Variants in YPEL2 observed in about 807,000 individuals in gnomAD.
YPEL2 encodes yippee like 2.
YPEL2 carries 2 observed loss-of-function variants against 19.1 expected under a neutral mutation model. That is an observed-to-expected ratio of 0.10 (90% CI 0.04 to 0.33). The LOEUF (loss-of-function observed/expected upper bound fraction) is 0.33. YPEL2 is among the 10% of genes least tolerant of loss of function. YPEL2 has a pLI of 1.00. For missense variants in YPEL2, 66 were observed against 140.7 expected, an observed-to-expected ratio of 0.47 and a Z score of 2.68; for synonymous variants, 52 against 50.0, an observed-to-expected ratio of 1.04 and a Z score of -0.17.
chr17:59,386,051 G>A (rs1305725378), intron 2 of YPEL2, among the ~76,000 whole-genome samples: 3 of 152,074 alleles, frequency 2.0e-5, no homozygotes, highest in East Asian at 1.9e-4. Flanking sequence ...GGCCGGGTGC[G>A]GTGGCTCATG....
chr17:59,397,574 G>C lies in YPEL2; in HGVS notation c.*384G>C. 1 of 165,790 alleles carries C rather than the reference G, an allele frequency of 6.0e-6. No individual in the cohort carries two copies. Among genetic ancestry groups the C allele is most frequent in the Non-Finnish European group, 1.3e-5 (1 of 77,274 alleles). 10.3% of individuals were successfully genotyped at this position (165,790 alleles called of 1,614,324 possible). ...CACGGGGGCGTGAGGAAGAGGGAAA[G>C]GGGAAACTCTAAGGGTCCTGGCGCG... On this transcript the variant is annotated 3_prime_UTR_variant, in exon 5 of 5. Transcript: ENST00000312655.
chr17:59,359,943 A>G (rs1279699672), intron 2 of YPEL2, among the ~76,000 whole-genome samples: 1 of 152,236 alleles, frequency 6.6e-6, no homozygotes, highest in East Asian at 1.9e-4. Context: ...TCTGTTGCCC[A>G]GGCTGGAGTG....
intron 1 of YPEL2, among the ~76,000 whole-genome samples, chr17:59,333,708 A>G (rs1036158522): frequency 5.3e-5 from 8 of 152,212 alleles, no homozygotes; most frequent in Non-Finnish European, 1.0e-4. Context: ...TTTGAGAAGC[A>G]TCGCTTTAAG....
intron 4 of YPEL2, among the ~76,000 whole-genome samples, chr17:59,390,740 A>G (rs1429796517): frequency 2.0e-5 from 3 of 152,178 alleles, no homozygotes; most frequent in African/African-American, 7.2e-5. Flanking sequence ...TTGTCCTAAC[A>G]TGCGCTGGGG....
chr17:59,379,649 G>A (rs866999504), intron 2 of YPEL2, among the ~76,000 whole-genome samples: 16 of 152,202 alleles, frequency 1.1e-4, no homozygotes, highest in Admixed American at 7.9e-4. Flanking sequence ...TTTTTGGAGT[G>A]TGAAAATGTT....
chr17:59,363,528 G>T (rs112197279), intron 2 of YPEL2, among the ~76,000 whole-genome samples: 6,481 of 152,018 alleles, frequency 0.043, 175 homozygotes, highest in South Asian at 0.087. Context: ...GGCTGCTCTC[G>T]AACTCCTGAC....
At position 59,347,596 on chromosome 17, in the gene YPEL2, T is replaced by C. The variant is rs2047762988; in HGVS notation, c.-195-5619T>C. Among the ~76,000 whole-genome samples the C allele has an allele frequency of 2.0e-5, 3 of 152,344 alleles. No individual in the cohort carries two copies. In the South Asian group the frequency reaches 6.2e-4, roughly 32 times the overall value. On this transcript the variant is annotated intron_variant, in intron 1 of 4. Coordinates refer to ENST00000312655, the MANE Select transcript of YPEL2 (RefSeq NM_001005404.4). Reference sequence around the variant, plus strand: ...CAGGGCTGTATAAGTCAGAGATGCTTACCTTCAGGCTGTTGAGAGCATGGC... The same window carrying C: ...CAGGGCTGTATAAGTCAGAGATGCTCACCTTCAGGCTGTTGAGAGCATGGC...
intron 2 of YPEL2, among the ~76,000 whole-genome samples, chr17:59,374,092 G>C (rs1370378579): frequency 6.6e-6 from 1 of 152,176 alleles, no homozygotes; most frequent in Non-Finnish European, 1.5e-5. Context: ...TCATTTCACA[G>C]ATGATGCAAT....
chr17:59,348,952 C>T (rs1428813258), intron 1 of YPEL2, among the ~76,000 whole-genome samples: 3 of 151,972 alleles, frequency 2.0e-5, no homozygotes, highest in Non-Finnish European at 4.4e-5. Context: ...TTTGGGAGGC[C>T]GAGGTGGGCG....
At chr17:59,348,172 G>C (rs986093370) in intron 1 of YPEL2, among the ~76,000 whole-genome samples, 2 of 152,194 alleles carry the variant, frequency 1.3e-5, no homozygotes, top group Admixed American at 6.5e-5. Context: ...TGTGAGTCCA[G>C]AGCCCACTTC....
intron 1 of YPEL2, among the ~76,000 whole-genome samples, chr17:59,345,855 T>C (rs2047753183): frequency 6.6e-6 from 1 of 152,196 alleles, no homozygotes; most frequent in Non-Finnish European, 1.5e-5. Context: ...CATTTCATCC[T>C]TCTGTCTCCT....
At chr17:59,337,183 C>CTTTTTTT (rs146083930) in intron 1 of YPEL2, among the ~76,000 whole-genome samples, 5 of 136,496 alleles carry the variant, frequency 3.7e-5, no homozygotes, top group Non-Finnish European at 4.7e-5. Flanking sequence ...GGGAGAAATT[C>CTTTTTTT]TTTTTTTTTG....
intron 1 of YPEL2, among the ~76,000 whole-genome samples, chr17:59,341,354 T>C (rs547762952): frequency 1.4e-5 from 2 of 146,910 alleles, no homozygotes; most frequent in East Asian, 4.2e-4. Flanking sequence ...ATCGCACCAC[T>C]GCACTCCAGC....
At chr17:59,339,221 A>G (rs924175996) in intron 1 of YPEL2, among the ~76,000 whole-genome samples, 2 of 151,832 alleles carry the variant, frequency 1.3e-5, no homozygotes, top group Admixed American at 6.6e-5. Context: ...GAGAGAAATG[A>G]ATTAACTTTC....
intron 2 of YPEL2, among the ~76,000 whole-genome samples, chr17:59,366,327 C>T (rs952271742): frequency 5.3e-5 from 8 of 152,132 alleles, no homozygotes; most frequent in African/African-American, 1.9e-4. Context: ...CCCTTTGGTT[C>T]CTGGAAGACC....
At chr17:59,341,485 C>G (rs1016749195) in intron 1 of YPEL2, among the ~76,000 whole-genome samples, 1 of 151,808 alleles carries the variant, frequency 6.6e-6, no homozygotes, top group African/African-American at 2.4e-5. Flanking sequence ...CATGGCAAAA[C>G]CCGTCCCTAC....
intron 2 of YPEL2, among the ~76,000 whole-genome samples, chr17:59,370,222 C>A (rs1216791907): frequency 1.3e-5 from 2 of 151,450 alleles, no homozygotes; most frequent in Non-Finnish European, 2.9e-5. Flanking sequence ...GCCACCATGC[C>A]CGGCTAATTT....
chr17:59,333,250 A>AC (rs1425588337), intron 1 of YPEL2, among the ~76,000 whole-genome samples: 13 of 152,216 alleles, frequency 8.5e-5, no homozygotes, highest in Non-Finnish European at 1.9e-4. Context: ...AGCTGTGCAG[A>AC]CTTCCCCCTT....
At chr17:59,343,476 G>GT (rs1054091312) in intron 1 of YPEL2, among the ~76,000 whole-genome samples, 1 of 152,112 alleles carries the variant, frequency 6.6e-6, no homozygotes, top group East Asian at 1.9e-4. Flanking sequence ...GAAAAATTAA[G>GT]TTTTTTGTGT....
Sources: gnomAD v4.1 joint callset for allele counts (sites outside exome capture counted in the v4.1 genomes callset) on GRCh38, gnomAD v4.1.1 for gene constraint, MANE v1.5 for transcripts, NCBI Gene and HGNC (gene_info 2026-07-23, HGNC 2026-07-21) for gene names.